The following NMNAT2 variants were observed in gnomAD, a reference collection of about 807,000 sequenced individuals.
NMNAT2 encodes nicotinamide nucleotide adenylyltransferase 2.
In NMNAT2, 11 loss-of-function variants were observed where a neutral mutation model predicts 41.6. The observed-to-expected ratio is 0.26, with a 90% confidence interval of 0.17 to 0.44. NMNAT2 has a LOEUF of 0.44. Ranked by LOEUF, NMNAT2 falls within the 20% of genes least tolerant of loss-of-function variation. NMNAT2 has a pLI of 1.00. For missense variants in NMNAT2, 288 were observed against 407.7 expected, an observed-to-expected ratio of 0.71 and a Z score of 2.53; for synonymous variants, 148 against 151.2, an observed-to-expected ratio of 0.98 and a Z score of 0.16.
chr1:183,363,384 G>A (rs1400723966), intron 1 of NMNAT2, among the ~76,000 whole-genome samples: 2 of 152,156 alleles, frequency 1.3e-5, no homozygotes, highest in Non-Finnish European at 2.9e-5. Flanking sequence ...ACAGTTTGGG[G>A]CACCCAATAG....
intron 1 of NMNAT2, among the ~76,000 whole-genome samples, chr1:183,299,138 G>A (rs954787515): frequency 1.3e-5 from 2 of 152,196 alleles, no homozygotes; most frequent in Non-Finnish European, 2.9e-5. Flanking sequence ...TTGGGAGGCA[G>A]AGGTGGGTGG....
intron 1 of NMNAT2, among the ~76,000 whole-genome samples, chr1:183,386,929 G>C (rs1648265656): frequency 6.6e-6 from 1 of 152,002 alleles, no homozygotes; most frequent in Non-Finnish European, 1.5e-5. Flanking sequence ...TTAGTTAAAT[G>C]CGAAGATGTT....
At chr1:183,360,228 T>C (rs190402888) in intron 1 of NMNAT2, among the ~76,000 whole-genome samples, 2 of 152,106 alleles carry the variant, frequency 1.3e-5, no homozygotes, top group East Asian at 3.9e-4. Flanking sequence ...ACAGAGGAAA[T>C]ATGAAGCCCA....
At chr1:183,300,339 T>C (rs953246458) in intron 1 of NMNAT2, among the ~76,000 whole-genome samples, 24 of 151,432 alleles carry the variant, frequency 1.6e-4, no homozygotes, top group African/African-American at 5.8e-4. Flanking sequence ...GAGACAGAGG[T>C]TGCAGTGAGC....
At chr1:183,312,528 T>C (rs1267016315) in intron 1 of NMNAT2, among the ~76,000 whole-genome samples, 3 of 151,678 alleles carry the variant, frequency 2.0e-5, no homozygotes, top group Non-Finnish European at 4.4e-5. Context: ...ATTTATTTTA[T>C]TACTTTTAAA....
At chr1:183,349,601 T>G (rs1663001622) in intron 1 of NMNAT2, among the ~76,000 whole-genome samples, 1 of 152,232 alleles carries the variant, frequency 6.6e-6, no homozygotes, top group Non-Finnish European at 1.5e-5. Flanking sequence ...TTTGCATGTT[T>G]GTGTCTAGTG....
At chr1:183,382,203 G>A (rs897939556) in intron 1 of NMNAT2, among the ~76,000 whole-genome samples, 2 of 152,182 alleles carry the variant, frequency 1.3e-5, no homozygotes, top group Non-Finnish European at 2.9e-5. Flanking sequence ...GAGCAAAGCA[G>A]GAGGTGCTAC....
At chr1:183,383,304 G>A (rs76009573) in intron 1 of NMNAT2, among the ~76,000 whole-genome samples, 13,889 of 152,250 alleles carry the variant, frequency 0.091, 802 homozygotes, top group Middle Eastern at 0.18. Flanking sequence ...TCCCTCCTAG[G>A]CCACCAGGTT....
At chr1:183,277,300 T>C (rs774730558) in intron 8 of NMNAT2, among the ~76,000 whole-genome samples, 7 of 152,048 alleles carry the variant, frequency 4.6e-5, no homozygotes, top group Non-Finnish European at 1.0e-4. Flanking sequence ...CTGGTCAACA[T>C]GGCAAAATTC....
At chr1:183,341,740 AAAAAAAAC>A (rs1268302316) in intron 1 of NMNAT2, among the ~76,000 whole-genome samples, 4 of 139,190 alleles carry the variant, frequency 2.9e-5, no homozygotes, top group Admixed American at 1.4e-4. Flanking sequence ...AAAAAAAAAA[AAAAAAAAC>A]CTGTTTCCTT....
chr1:183,383,226 C>A (rs1239335229), intron 1 of NMNAT2, among the ~76,000 whole-genome samples: 1 of 152,166 alleles, frequency 6.6e-6, no homozygotes, highest in Non-Finnish European at 1.5e-5. Context: ...GTGGCTGGGA[C>A]ACAGGGAGCA....
intron 1 of NMNAT2, among the ~76,000 whole-genome samples, chr1:183,308,428 C>T (rs1662042909): frequency 6.6e-6 from 1 of 152,156 alleles, no homozygotes; most frequent in Non-Finnish European, 1.5e-5. Context: ...ATGGGCATGA[C>T]CTTGACCTGG....
At chr1:183,393,691 G>A (rs1300599762) in intron 1 of NMNAT2, among the ~76,000 whole-genome samples, 3 of 152,166 alleles carry the variant, frequency 2.0e-5, no homozygotes, top group Non-Finnish European at 4.4e-5. Context: ...GAGTAGCTGG[G>A]ATTATAGGCA....
chr1:183,363,517 C>T (rs766215652), intron 1 of NMNAT2, among the ~76,000 whole-genome samples: 3 of 151,822 alleles, frequency 2.0e-5, no homozygotes. Context: ...AAAGGCAGGG[C>T]CCCCAATTGG....
intron 1 of NMNAT2, among the ~76,000 whole-genome samples, chr1:183,400,266 A>G (rs1334373531): frequency 6.6e-6 from 1 of 152,220 alleles, no homozygotes; most frequent in Non-Finnish European, 1.5e-5. Flanking sequence ...ATATACACCA[A>G]TAATAGACAA....
intron 4 of NMNAT2, among the ~76,000 whole-genome samples, chr1:183,287,321 C>T (rs144998635): frequency 4.7e-4 from 71 of 152,266 alleles, no homozygotes; most frequent in African/African-American, 1.5e-3. Flanking sequence ...ACACAAGGCA[C>T]GATCACCACC....
At chr1:183,402,775 T>A (rs903209169) in intron 1 of NMNAT2, among the ~76,000 whole-genome samples, 1 of 152,082 alleles carries the variant, frequency 6.6e-6, no homozygotes, top group Non-Finnish European at 1.5e-5. Flanking sequence ...CCCACGAAGG[T>A]CTTTGGACAG....
intron 1 of NMNAT2, among the ~76,000 whole-genome samples, chr1:183,347,744 G>A (rs1458443599): frequency 6.6e-6 from 1 of 152,132 alleles, no homozygotes; most frequent in Non-Finnish European, 1.5e-5. Flanking sequence ...TATAGCAGGG[G>A]CTCCCATTCA....
chr1:183,284,637 CT>C (rs1411269648), intron 6 of NMNAT2, 72 bp downstream of exon 6: 2 of 1,298,250 alleles, frequency 1.5e-6, no homozygotes, highest in Non-Finnish European at 2.2e-6. Flanking sequence ...GCTTGAGGAT[CT>C]TTGCTGAAGG....
Sources: allele counts gnomAD v4.1 joint callset (sites outside exome capture counted in the v4.1 genomes callset), GRCh38; gene constraint gnomAD v4.1.1; transcripts MANE v1.5; gene names NCBI Gene and HGNC (gene_info 2026-07-23, HGNC 2026-07-21).